ZNF695: variants seen among roughly 807,000 people sequenced by gnomAD.
The protein encoded by ZNF695 is zinc finger protein SBZF3.
A neutral mutation model predicts 11.2 loss-of-function variants in ZNF695; 11 were observed. That is an observed-to-expected ratio of 0.98 (90% CI 0.62 to 1.62). The LOEUF is 1.62. Among genes scored for constraint, ZNF695 ranks in the 40% most tolerant of loss-of-function variants. The pLI, the probability that ZNF695 is intolerant of heterozygous loss-of-function variation, is 0.00. For synonymous variants in ZNF695, 190 were observed against 201.4 expected (o/e 0.94, Z 0.48); for missense variants, 559 against 590.5 (o/e 0.95, Z 0.55).
At chr1:246,957,939 G>C (rs559338588) in intron 5 of ZNF695, among the ~76,000 whole-genome samples, 1 of 152,208 alleles carries the variant, frequency 6.6e-6, no homozygotes, top group Non-Finnish European at 1.5e-5. Flanking sequence ...ATTACTACAT[G>C]CATCCTACAT....
At chr1:246,995,921 A>T in intron 3 of ZNF695, 1 of 365,818 alleles carries the variant, frequency 2.7e-6, no homozygotes, top group South Asian at 2.0e-5. Context: ...ACACAGAAAC[A>T]AACCTCCACA....
At chr1:246,949,445 G>A (rs898433942) in intron 5 of ZNF695, among the ~76,000 whole-genome samples, 1 of 152,110 alleles carries the variant, frequency 6.6e-6, no homozygotes, top group Non-Finnish European at 1.5e-5. Flanking sequence ...ACAAAAACTA[G>A]TCGGGCATGT....
At chr1:246,951,872 C>G (rs1250478804) in intron 5 of ZNF695, among the ~76,000 whole-genome samples, 2 of 152,134 alleles carry the variant, frequency 1.3e-5, no homozygotes, top group Admixed American at 6.5e-5. Flanking sequence ...TGCACCTTCT[C>G]CCCCCGCTCT....
At position 247,000,414 on chromosome 1, in the gene ZNF695, A is replaced by G. The variant is rs180702446; in HGVS notation, c.4-340T>C. On this transcript the variant is annotated intron_variant, in intron 1 of 3. Coordinates refer to ENST00000339986, the MANE Select transcript of ZNF695 (RefSeq NM_020394.5). Reference sequence around the variant, plus strand: ...CAGCTACTTGGGAGGCTGAGGCAGGAGAGTTGCTTGAAGCCAAGCTGCAGT... The same window carrying G: ...CAGCTACTTGGGAGGCTGAGGCAGGGGAGTTGCTTGAAGCCAAGCTGCAGT... Among the ~76,000 whole-genome samples the G allele has an allele frequency of 3.3e-5, 5 of 152,232 alleles. No homozygotes were observed. In the East Asian group the frequency reaches 9.7e-4, roughly 29 times the overall value.
At chr1:246,957,967 T>A (rs974931941) in intron 5 of ZNF695, among the ~76,000 whole-genome samples, 9 of 152,262 alleles carry the variant, frequency 5.9e-5, no homozygotes, top group Non-Finnish European at 1.2e-4. Context: ...CTATGATGAG[T>A]CTGACACTTC....
At chr1:247,002,799 G>T (rs921994715) in intron 1 of ZNF695, among the ~76,000 whole-genome samples, 2 of 151,770 alleles carry the variant, frequency 1.3e-5, no homozygotes, top group Non-Finnish European at 2.9e-5. Context: ...AAAAGGGGGG[G>T]GCAGCAAAGG....
chr1:246,950,033 G>A (rs555237375), intron 5 of ZNF695, among the ~76,000 whole-genome samples: 23 of 152,142 alleles, frequency 1.5e-4, no homozygotes, highest in African/African-American at 3.4e-4. Flanking sequence ...CTCATTTTAC[G>A]AAATAAAATC....
In ZNF695 at chr1:246,986,850, T is replaced by C; in HGVS notation, c.*117A>G. The C allele has an allele frequency of 6.9e-7, 1 of 1,447,464 alleles. No individual in the cohort carries two copies. The highest frequency in any genetic ancestry group is 9.1e-7 in the Non-Finnish European group (1 of 1,102,258). The allele number at this position is 1,447,464 out of a possible 1,614,324, so 89.7% of individuals were successfully genotyped here. A position where few individuals can be genotyped will look rare whatever the true frequency, so the allele number is the denominator to read the frequency against. ...CACTCAAAGGCTCATAGACTGTAAA[T>C]GGCCTTTTGACAGTCATTACATTTG... On this transcript the variant is annotated 3_prime_UTR_variant, in exon 4 of 4. Transcript: ENST00000339986.
chr1:246,987,910 T>C lies in ZNF695; in HGVS notation c.605A>G (p.Gln202Arg). 1 of 1,610,594 alleles carries C rather than the reference T, an allele frequency of 6.2e-7. No homozygotes were observed. Among genetic ancestry groups the C allele is most frequent in the Non-Finnish European group, 8.5e-7 (1 of 1,179,024 alleles). The change falls in exon 4 of 4, where the codon CAG (glutamine) becomes CGG (arginine). Residue 202 changes from glutamine to arginine, a missense_variant. Physicochemically the swap from Gln to Arg is conservative, Grantham distance 43 (BLOSUM62 1). Coordinates refer to ENST00000339986, the MANE Select transcript of ZNF695 (RefSeq NM_020394.5). ...GTTCTCTCCAATATGGATTCTCTGCTGTTGAGTCATTATTAAAGACATGCA... is the reference window on the plus strand; with the variant it reads ...GTTCTCTCCAATATGGATTCTCTGCCGTTGAGTCATTATTAAAGACATGCA... ...VSCMSLIMTQ[Q>R]QRIHIGENPY...
chr1:246,976,692 G>A (rs1385121544), intron 4 of ZNF695, among the ~76,000 whole-genome samples: 1 of 152,008 alleles, frequency 6.6e-6, no homozygotes, highest in Admixed American at 6.6e-5. Context: ...TACTCGGGAG[G>A]CTGAGGCAGA....
intron 5 of ZNF695, among the ~76,000 whole-genome samples, chr1:246,955,094 C>G (rs552963594): frequency 6.6e-6 from 1 of 152,234 alleles, no homozygotes; most frequent in South Asian, 2.1e-4. Flanking sequence ...TAAGTCTGCA[C>G]GTGCTTTCTT....
At position 247,000,039 on chromosome 1, in the gene ZNF695, G is replaced by T; in HGVS notation, c.39C>A (p.Phe13Leu). The change falls in exon 2 of 4, where the codon TTC becomes TTA. Residue 13 changes from phenylalanine to leucine, a missense_variant. Transcript: ENST00000339986. The stretch of plus-strand genomic sequence containing the variant: ...CCAGGCATTCCCACTCCTCTGGAGA[G>T]AATTCTAGAGCCACATCCCTGAATG... Reference protein sequence around the residue: ...LLAFRDVALEFSPEEWECLDP... With the variant: ...LLAFRDVALELSPEEWECLDP... The T allele has an allele frequency of 6.2e-7, 1 of 1,611,182 alleles. No homozygotes were observed.
downstream of ZNF695, chr1:246,985,310 G>A: frequency 1.0e-6 from 1 of 984,736 alleles, no homozygotes; most frequent in Non-Finnish European, 1.2e-6. Context: ...TCAAGATTCA[G>A]AAATACACGG....
At chr1:246,967,571 G>A (rs1191101556) in intron 5 of ZNF695, 1 of 412,314 alleles carries the variant, frequency 2.4e-6, no homozygotes, top group Non-Finnish European at 4.9e-6. Context: ...GACTTGCAGG[G>A]GCAGGTTTCA....
intron 1 of ZNF695, among the ~76,000 whole-genome samples, chr1:247,003,009 A>T (rs1669433317): frequency 6.6e-6 from 1 of 152,214 alleles, no homozygotes; most frequent in East Asian, 1.9e-4. Context: ...ATGCCTATAC[A>T]CTGCTGGTGA....
Position 246,974,195 on chromosome 1 carries a change from C to A in ZNF695, c.391-6403G>T, listed in dbSNP as rs371791482. Among the ~76,000 whole-genome samples the A allele has an allele frequency of 2.4e-3, 364 of 150,868 alleles. 3 individuals are homozygous for A. The highest frequency in any genetic ancestry group is 8.5e-3 in the African/African-American group (348 of 40,968). ...ACAAACAAAAAACAACAACAAAAAA[C>A]CTATTACATGTTAAAAAGAACCCAC... On this transcript the variant is annotated intron_variant, in intron 4 of 5. Coordinates refer to the ZNF695 transcript ENST00000487338.
chr1:246,988,329 T>C (rs2103023681), intron 3 of ZNF695, 74 bp from the exon 4 acceptor site: 1 of 1,125,292 alleles, frequency 8.9e-7, no homozygotes, highest in Non-Finnish European at 1.2e-6. Flanking sequence ...CATAAAATTA[T>C]ACAAGCATAT....
At chr1:246,999,542 A>T (rs1669304774) in intron 2 of ZNF695, 102 bp from the exon 3 acceptor site, 8 of 880,392 alleles carry the variant, frequency 9.1e-6, no homozygotes, top group Non-Finnish European at 1.4e-5. Context: ...GATCCTAGAA[A>T]ATTAACTCCA....
At chr1:246,947,817 C>T (rs1217006791) in intron 5 of ZNF695, among the ~76,000 whole-genome samples, 1 of 152,106 alleles carries the variant, frequency 6.6e-6, no homozygotes, top group Non-Finnish European at 1.5e-5. Context: ...GTATCACAGC[C>T]TTCTATAATT....
Sources: gnomAD v4.1 joint callset for allele counts (sites outside exome capture counted in the v4.1 genomes callset) on GRCh38, gnomAD v4.1.1 for gene constraint, MANE v1.5 for transcripts, NCBI Gene and HGNC (gene_info 2026-07-23, HGNC 2026-07-21) for gene names.